The following ANP32B variants were observed in gnomAD, a reference collection of about 807,000 sequenced individuals.
ANP32B encodes the protein acidic nuclear phosphoprotein 32 family member B.
A neutral mutation model predicts 32.2 loss-of-function variants in ANP32B; 6 were observed. That is an observed-to-expected ratio of 0.19 (90% CI 0.10 to 0.37). The LOEUF is 0.37. ANP32B is among the 10% of genes least tolerant of loss of function. ANP32B has a pLI of 1.00. For synonymous variants in ANP32B, 98 were observed against 105.8 expected (o/e 0.93, Z 0.45); for missense variants, 204 against 289.2 (o/e 0.71, Z 2.14).
chr9:98,014,419 C>T (rs879689848), intron 6 of ANP32B, among the ~76,000 whole-genome samples: 1 of 151,176 alleles, frequency 6.6e-6, no homozygotes, highest in Non-Finnish European at 1.5e-5. Context: ...AAAAAAAAAA[C>T]AACCTGTATG....
intron 4 of ANP32B, among the ~76,000 whole-genome samples, chr9:98,006,416 C>T (rs1319152676): frequency 6.6e-6 from 1 of 151,890 alleles, no homozygotes. Flanking sequence ...ACCTCTTTCC[C>T]GCACTGCGTA....
At position 98,012,525 on chromosome 9, in the gene ANP32B, CA is replaced by C. The variant is rs1828203933; in HGVS notation, c.688+54del. On this transcript the variant is annotated intron_variant, in intron 6 of 6. Transcript: ENST00000339399. Reference sequence around the variant, plus strand: ...TTCTCAGTTAAAAATTAGAGAAAAACATCCATTATTTAGAATATGATACCAC... The same window carrying C: ...TTCTCAGTTAAAAATTAGAGAAAAACTCCATTATTTAGAATATGATACCAC... 20 of 1,603,758 alleles carry C rather than the reference CA, an allele frequency of 1.2e-5. No individual in the cohort carries two copies. In the South Asian group the frequency reaches 2.3e-4, roughly 18 times the overall value.
intron 4 of ANP32B, 80 bp from the exon 5 acceptor site, chr9:98,011,191 G>A (rs984337965): frequency 2.3e-5 from 35 of 1,496,776 alleles, no homozygotes; most frequent in Non-Finnish European, 2.9e-5. Flanking sequence ...TGTTCTGTGA[G>A]CCAGCCCACA....
intron 4 of ANP32B, among the ~76,000 whole-genome samples, chr9:98,006,581 A>AG (rs1828086932): frequency 6.6e-6 from 1 of 152,226 alleles, no homozygotes; most frequent in African/African-American, 2.4e-5. Context: ...ATTGAAAAGA[A>AG]AATACCAAGA....
At chr9:98,008,814 T>C (rs1203985000) in intron 4 of ANP32B, among the ~76,000 whole-genome samples, 2 of 152,200 alleles carry the variant, frequency 1.3e-5, no homozygotes, top group Non-Finnish European at 2.9e-5. Context: ...TATATCATTA[T>C]ATATTACAAT....
At chr9:97,992,411 G>A (rs1160716537) in intron 1 of ANP32B, among the ~76,000 whole-genome samples, 1 of 152,140 alleles carries the variant, frequency 6.6e-6, no homozygotes, top group Non-Finnish European at 1.5e-5. Context: ...TTTTTAACCT[G>A]CATTTGAGTC....
At chr9:98,011,450 C>A in intron 5 of ANP32B, 61 bp downstream of exon 5, 1 of 1,530,280 alleles carries the variant, frequency 6.5e-7, no homozygotes, top group Non-Finnish European at 8.8e-7. Context: ...GTGGGGGTTT[C>A]AAAAAGATGA....
At chr9:98,015,334 G>A (rs370454805) in intron 6 of ANP32B, 30 bp from the exon 7 acceptor site, 2 of 1,549,664 alleles carry the variant, frequency 1.3e-6, no homozygotes, top group African/African-American at 1.4e-5. Flanking sequence ...CCTTTCCACT[G>A]TCCTAAAGTC....
intron 3 of ANP32B, 24 bp from the exon 4 acceptor site, chr9:98,004,926 TTGGTTTAGGAGTTG>T: frequency 6.6e-7 from 1 of 1,519,446 alleles, no homozygotes; most frequent in Non-Finnish European, 9.0e-7. Context: ...TTATATTCCT[TTGGTTTAGGAGTTG>T]TGGTTTTTGA....
At position 98,015,408 on chromosome 9, in the gene ANP32B, G is replaced by C. The variant is rs1352619278; in HGVS notation, c.733G>C (p.Asp245His). Residue 245 changes from aspartate to histidine, a missense_variant, in exon 7 of 7, where the codon GAT becomes CAT. Asp to His is a moderately conservative substitution (Grantham distance 81). Transcript: ENST00000339399. ...AGGTGAAAAGAGGAAGAGAGAAACA[G>C]ATGATGAAGGAGAAGATGATTAAGA... Reference protein sequence around the residue: ...GKGEKRKRETDDEGEDD With the variant: ...GKGEKRKRETHDEGEDD 2 of 1,549,782 alleles carry C rather than the reference G, an allele frequency of 1.3e-6. No homozygotes were observed. Among genetic ancestry groups the C allele is most frequent in the Non-Finnish European group, 1.7e-6 (2 of 1,146,562 alleles).
intron 1 of ANP32B, among the ~76,000 whole-genome samples, chr9:97,990,393 A>G (rs982670883): frequency 1.3e-5 from 2 of 152,246 alleles, no homozygotes; most frequent in Admixed American, 1.3e-4. Flanking sequence ...TAGACCTGCT[A>G]TCCTTGGGTA....
intron 2 of ANP32B, 109 bp downstream of exon 2, chr9:97,994,889 A>T: frequency 9.2e-7 from 1 of 1,084,868 alleles, no homozygotes; most frequent in Non-Finnish European, 1.3e-6. Flanking sequence ...TGGCCTTTGG[A>T]ACTGGGCAGA....
chr9:98,005,116 C>T lies in ANP32B; in HGVS notation c.480C>T (p.Ala160=), dbSNP rs144253360. The part of the protein sequence containing the change: ...REDQEAPDSD[A]EVDGVDEEEE... ...ACCAGGAAGCACCTGACTCAGATGC[C>T]GAGGTGGATGGTGTGGATGAAGAGG... The change falls in exon 4 of 7, where the codon GCC becomes GCT. Residue 160 remains alanine, a synonymous_variant. Coordinates refer to ENST00000339399, the MANE Select transcript of ANP32B (RefSeq NM_006401.3). 150 of 1,613,580 alleles carry T rather than the reference C, an allele frequency of 9.3e-5. No individual in the cohort carries two copies. The Middle Eastern group carries it at 1.5e-3, about 16-fold the overall frequency.
rs1827640096 is a variant in ANP32B at position 97,983,733 on chromosome 9, G to C, written c.54+124G>C. 1.9e-5 allele frequency: 13 copies of C among 686,230 alleles called. 1 individual carries two copies. In the East Asian group the frequency reaches 2.4e-4, roughly 13 times the overall value. The allele number at this position is 686,230 out of a possible 1,614,324, so 42.5% of individuals were successfully genotyped here. A position where few individuals can be genotyped will look rare whatever the true frequency, so the allele number is the denominator to read the frequency against. On this transcript the variant is annotated intron_variant, in intron 1 of 6. Transcript: ENST00000339399. ...GGGGAAGAGCGCAGCTCGTGGGCTCGGACGGGGAAGGCGGGCGGGCGCGGA... is the reference window on the plus strand; with the variant it reads ...GGGGAAGAGCGCAGCTCGTGGGCTCCGACGGGGAAGGCGGGCGGGCGCGGA...
At chr9:98,008,458 C>T (rs1828125879) in intron 4 of ANP32B, among the ~76,000 whole-genome samples, 1 of 152,200 alleles carries the variant, frequency 6.6e-6, no homozygotes, top group African/African-American at 2.4e-5. Context: ...TTTGTTCATG[C>T]TTGAAGAGGA....
chr9:98,012,739 G>A (rs1337851370), intron 6 of ANP32B, among the ~76,000 whole-genome samples: 1 of 152,072 alleles, frequency 6.6e-6, no homozygotes, highest in Non-Finnish European at 1.5e-5. Flanking sequence ...GGTGGTGGTG[G>A]TGGTGTTTTG....
At chr9:97,983,755 C>T (rs973575048) in intron 1 of ANP32B, 146 bp downstream of exon 1, 24 of 559,340 alleles carry the variant, frequency 4.3e-5, no homozygotes, top group Non-Finnish European at 6.1e-5. Flanking sequence ...CGGGCGGGCG[C>T]GGAGGGGGGA....
chr9:98,004,824 T>C (rs1166130157), intron 3 of ANP32B, 140 bp from the exon 4 acceptor site: 7 of 569,650 alleles, frequency 1.2e-5, no homozygotes, highest in African/African-American at 1.9e-5. Context: ...TGCAAAAGAC[T>C]TGATGTATTT....
In ANP32B at chr9:98,011,384, G is replaced by A; in HGVS notation, c.631G>A (p.Glu211Lys). ...EGDEDDDEVS[E>K]EEEEFGLDEE... ...GGATGAGGACGACGATGAAGTCAGTGAGGAGGTCAGTGCAGCTGTTTTCTA... is the reference window on the plus strand; with the variant it reads ...GGATGAGGACGACGATGAAGTCAGTAAGGAGGTCAGTGCAGCTGTTTTCTA... The change falls in exon 5 of 7, where the codon GAG (glutamate) becomes AAG (lysine). Residue 211 changes from glutamate to lysine, a missense_variant. Physicochemically the swap from Glu to Lys is moderately conservative, Grantham distance 56. Transcript: ENST00000339399. The A allele has an allele frequency of 2.5e-6, 4 of 1,586,408 alleles. No individual in the cohort carries two copies. Among genetic ancestry groups the A allele is most frequent in the Non-Finnish European group, 3.4e-6 (4 of 1,162,796 alleles).
Sources: gnomAD v4.1 joint callset for allele counts (sites outside exome capture counted in the v4.1 genomes callset) on GRCh38, gnomAD v4.1.1 for gene constraint, MANE v1.5 for transcripts, NCBI Gene and HGNC (gene_info 2026-07-23, HGNC 2026-07-21) for gene names.